The following ZNF708 variants were observed in gnomAD, a reference collection of about 807,000 sequenced individuals.
ZNF708 encodes zinc finger protein 708.
In ZNF708, 44 loss-of-function variants were observed where a neutral mutation model predicts 47.0. The observed-to-expected ratio is 0.94, with a 90% confidence interval of 0.74 to 1.20. The LOEUF (loss-of-function observed/expected upper bound fraction) is 1.20, where lower values mean the gene tolerates loss of function less well. ZNF708 is among the 50% of genes most tolerant of loss of function. The pLI, the probability that ZNF708 is intolerant of heterozygous loss-of-function variation, is 0.00. For missense variants in ZNF708, 557 were observed against 656.0 expected (o/e 0.85, Z 1.65); for synonymous variants, 184 against 218.5 (o/e 0.84, Z 1.39).
chr19:21,327,862 TG>T, intron 1 of ZNF708: 1 of 331,780 alleles, frequency 3.0e-6, no homozygotes, highest in Non-Finnish European at 4.8e-6. Flanking sequence ...ACAATCTTAA[TG>T]TCTCAAGGGG....
rs1972401205 is a variant in ZNF708 at position 21,291,844 on chromosome 19, G to A, written c.*1430C>T. The A allele has an allele frequency of 2.0e-5, 3 of 152,184 alleles. No homozygotes were observed. The highest frequency in any genetic ancestry group is 2.9e-5 in the Non-Finnish European group (2 of 68,026). The allele number at this position is 152,184 out of a possible 1,614,324, so 9.4% of individuals were successfully genotyped here. On this transcript the variant is annotated 3_prime_UTR_variant, in exon 4 of 4. Transcript: ENST00000356929. ...TGTGCCACTGCACTCCAGCCTGGAC[G>A]ACAGAGAGAGACTCTGTCTCAAGGA... is the stretch of plus-strand genomic sequence containing the variant.
intron 3 of ZNF708, among the ~76,000 whole-genome samples, chr19:21,308,472 T>A (rs927756189): frequency 6.6e-6 from 1 of 152,128 alleles, no homozygotes; most frequent in African/African-American, 2.4e-5. Context: ...GGACACGGTA[T>A]TTCACCATGT....
chr19:21,316,683 G>A (rs35580411), intron 1 of ZNF708, among the ~76,000 whole-genome samples: 84,941 of 151,966 alleles, frequency 0.56, 24,026 homozygotes, highest in Middle Eastern at 0.68. Context: ...GGCTGGGCAC[G>A]GTGGCTCACG....
chr19:21,295,753 A>G (rs371948319), intron 3 of ZNF708, among the ~76,000 whole-genome samples: 14 of 152,250 alleles, frequency 9.2e-5, no homozygotes, highest in African/African-American at 3.1e-4. Flanking sequence ...CTCAAAAAAA[A>G]AAGATTGTGA....
intron 3 of ZNF708, among the ~76,000 whole-genome samples, chr19:21,303,084 CA>C (rs541256623): frequency 1.2e-3 from 186 of 150,238 alleles, no homozygotes; most frequent in South Asian, 8.6e-3. Context: ...CCTGTCTCTA[CA>C]AAAAAAAATA....
At chr19:21,305,414 C>G (rs867383262) in intron 3 of ZNF708, among the ~76,000 whole-genome samples, 1 of 151,676 alleles carries the variant, frequency 6.6e-6, no homozygotes, top group Non-Finnish European at 1.5e-5. Context: ...TATAAAAACC[C>G]TAATCACACA....
intron 3 of ZNF708, among the ~76,000 whole-genome samples, chr19:21,296,358 C>T (rs1178735787): frequency 6.6e-6 from 1 of 151,850 alleles, no homozygotes; most frequent in Non-Finnish European, 1.5e-5. Context: ...AAAAATTAGC[C>T]GGGCGTGGTC....
intron 3 of ZNF708, among the ~76,000 whole-genome samples, chr19:21,300,505 TAA>T (rs1215143351): frequency 7.2e-5 from 8 of 110,486 alleles, no homozygotes; most frequent in African/African-American, 1.4e-4. Context: ...AAACTCTGTC[TAA>T]AAAAAAAAAA....
intron 1 of ZNF708, among the ~76,000 whole-genome samples, chr19:21,319,595 T>C (rs555708): frequency 0.95 from 144,738 of 152,148 alleles, 69,104 homozygotes; most frequent in Middle Eastern, 1. Context: ...GGATTACAGG[T>C]ATGAGCCACC....
intron 3 of ZNF708, among the ~76,000 whole-genome samples, chr19:21,297,862 A>AT (rs1161325160): frequency 6.6e-6 from 1 of 152,088 alleles, no homozygotes; most frequent in Non-Finnish European, 1.5e-5. Flanking sequence ...TAAGTCAAAA[A>AT]GTGTCATATT....
intron 1 of ZNF708, among the ~76,000 whole-genome samples, chr19:21,315,672 G>A (rs1972986511): frequency 6.6e-6 from 1 of 152,112 alleles, no homozygotes; most frequent in Admixed American, 6.5e-5. Context: ...CGCATAGAGT[G>A]GGTTGATACA....
Position 21,321,641 on chromosome 19 carries a change from G to T in ZNF708, c.3+7569C>A, listed in dbSNP as rs1166269782. Among the ~76,000 whole-genome samples the T allele has an allele frequency of 3.6e-5, 5 of 140,506 alleles. No homozygotes were observed. The East Asian group carries it at 1.1e-3, about 31-fold the overall frequency. 92.2% of individuals were successfully genotyped at this position (140,506 alleles called of 152,430 possible). On this transcript the variant is annotated intron_variant, in intron 1 of 3. Coordinates refer to ENST00000356929, the MANE Select transcript of ZNF708 (RefSeq NM_021269.3). ...AGAGGATGGGGAGGGGAGGGGAGGGGGAAGGAGGGAGGGAGGTGAGAGAGA... is the reference window on the plus strand; with the variant it reads ...AGAGGATGGGGAGGGGAGGGGAGGGTGAAGGAGGGAGGGAGGTGAGAGAGA...
intron 3 of ZNF708, among the ~76,000 whole-genome samples, chr19:21,298,201 A>G (rs985474159): frequency 1.3e-5 from 2 of 151,880 alleles, no homozygotes; most frequent in African/African-American, 4.8e-5. Flanking sequence ...AGAGGTATAG[A>G]GAGCTGAACA....
intron 1 of ZNF708, chr19:21,318,804 T>C (rs1476018467): frequency 6.6e-6 from 1 of 152,006 alleles, no homozygotes; most frequent in Non-Finnish European, 1.5e-5. Context: ...ATTATGGTTT[T>C]TGGGTGACCA....
At chr19:21,323,950 A>C (rs1973204079) in intron 1 of ZNF708, among the ~76,000 whole-genome samples, 1 of 152,216 alleles carries the variant, frequency 6.6e-6, no homozygotes, top group Admixed American at 6.5e-5. Context: ...TTTGAAACTT[A>C]AGTGTTTAGC....
intron 3 of ZNF708, among the ~76,000 whole-genome samples, chr19:21,297,256 A>G (rs1568345455): frequency 2.8e-4 from 4 of 14,136 alleles, no homozygotes; most frequent in Non-Finnish European, 6.7e-4. Context: ...ATATATATAT[A>G]TATATATATA....
In ZNF708 at chr19:21,293,975, T is replaced by G; in HGVS notation, c.991A>C (p.Thr331Pro). 2 of 1,612,982 alleles carry G rather than the reference T, an allele frequency of 1.2e-6. No homozygotes were observed. Among genetic ancestry groups the G allele is most frequent in the Non-Finnish European group, 1.7e-6 (2 of 1,179,424 alleles). ...TCACATTTGTAGGGTTTCTCACCAG[T>G]ATGAATCCTCTTATGTGTAGTAAGG... ...SHLTTHKRIH[T>P]GEKPYKCEEC... The change falls in exon 4 of 4, where the codon ACT becomes CCT. Residue 331 changes from threonine (T) to proline (P), a missense_variant. Transcript: ENST00000356929.
chr19:21,310,755 A>G (rs112669183), intron 1 of ZNF708, 128 bp from the exon 2 acceptor site: 6 of 690,846 alleles, frequency 8.7e-6, no homozygotes, highest in African/African-American at 7.6e-5. Context: ...AAATTATCCA[A>G]TAAAATAATT....
intron 1 of ZNF708, among the ~76,000 whole-genome samples, chr19:21,323,597 G>A (rs574325780): frequency 2.7e-4 from 41 of 152,308 alleles, no homozygotes; most frequent in Non-Finnish European, 5.0e-4. Context: ...TTCTTTGGAA[G>A]TCAAAATTTT....
Sources: gnomAD v4.1 joint callset for allele counts (sites outside exome capture counted in the v4.1 genomes callset) on GRCh38, gnomAD v4.1.1 for gene constraint, MANE v1.5 for transcripts, NCBI Gene and HGNC (gene_info 2026-07-23, HGNC 2026-07-21) for gene names.